The following SPTA1 variants were observed in gnomAD, a reference collection of about 807,000 sequenced individuals.
SPTA1 encodes the protein spectrin alpha chain, erythrocytic 1.
Under a neutral mutation model 324.7 loss-of-function variants are expected in SPTA1, and 177 were observed. The observed-to-expected ratio is 0.55, with a 90% CI of 0.48 to 0.62. The LOEUF (loss-of-function observed/expected upper bound fraction) is 0.62, where lower values mean the gene tolerates loss of function less well. Ranked by LOEUF, SPTA1 falls within the 20% of genes least tolerant of loss-of-function variation. The probability of loss-of-function intolerance (pLI) is 0.00; values close to 1 mark genes in which losing one functional copy is unlikely to be tolerated. For missense variants in SPTA1, 3,162 were observed against 2,883.6 expected (o/e 1.10, Z -2.21); for synonymous variants, 1,195 against 1,041.3 (o/e 1.15, Z -2.84).
At position 158,611,165 on chromosome 1, in the gene SPTA1, AC is replaced by A; in HGVS notation, c.*98del. ...CACACACACACACACACACACACAC[AC>A]GAGGCCATCTTTATCTTCCACATTT... is the stretch of plus-strand genomic sequence containing the variant. On this transcript the variant is annotated 3_prime_UTR_variant, in exon 52 of 52. Coordinates refer to ENST00000643759, the MANE Select transcript of SPTA1 (RefSeq NM_003126.4). 7.4e-7 allele frequency: 1 copy of A among 1,351,938 alleles called. No individual in the cohort carries two copies. Among genetic ancestry groups the A allele is most frequent in the Non-Finnish European group, 1.0e-6 (1 of 959,732 alleles). The allele number at this position is 1,351,938 out of a possible 1,614,324, so 83.7% of individuals were successfully genotyped here.
rs539669652 is a variant in SPTA1 at position 158,623,106 on chromosome 1, T to C, written c.5997A>G (p.Gln1999=). The C allele has an allele frequency of 3.0e-5, 48 of 1,614,046 alleles. No individual in the cohort carries two copies. The highest frequency in any genetic ancestry group is 3.9e-5 in the Non-Finnish European group (46 of 1,180,038). The change falls in exon 43 of 52, where the codon CAA becomes CAG. Residue 1999 remains glutamine, a synonymous_variant. Coordinates refer to ENST00000643759, the MANE Select transcript of SPTA1 (RefSeq NM_003126.4). ...CTTCAATGGCTTTAGACTGGTTGTGTTGAGCAGAAATCAGTTTGTCCTTCA... is the reference window on the plus strand; with the variant it reads ...CTTCAATGGCTTTAGACTGGTTGTGCTGAGCAGAAATCAGTTTGTCCTTCA... The part of the protein sequence containing the change: ...TDLKDKLISA[Q]HNQSKAIEER...
At chr1:158,622,387 TAC>T (rs1391028830) in intron 43 of SPTA1, among the ~76,000 whole-genome samples, 1 of 152,028 alleles carries the variant, frequency 6.6e-6, no homozygotes, top group Non-Finnish European at 1.5e-5. Context: ...GTATTATTAA[TAC>T]ACACATATTA....
chr1:158,636,032 A>G lies in SPTA1; in HGVS notation c.5313T>C (p.Asn1771=). ...ELVAHEPAIQ[N]VLDMAEKLKD... ...TCAGCTTCTCTGCCATATCCAGCACATTCTGAAGAACAACCCCGATACATG... is the reference window on the plus strand; with the variant it reads ...TCAGCTTCTCTGCCATATCCAGCACGTTCTGAAGAACAACCCCGATACATG... The change falls in exon 38 of 52, where the codon AAT becomes AAC. Residue 1771 remains asparagine (N), a splice_region_variant and synonymous_variant. Coordinates refer to ENST00000643759, the MANE Select transcript of SPTA1 (RefSeq NM_003126.4). The G allele has an allele frequency of 6.2e-7, 1 of 1,614,154 alleles. No homozygotes were observed. The highest frequency in any genetic ancestry group is 8.5e-7 in the Non-Finnish European group (1 of 1,180,004).
intron 39 of SPTA1, among the ~76,000 whole-genome samples, chr1:158,628,759 A>G (rs578184626): frequency 1.2e-4 from 18 of 152,252 alleles, no homozygotes; most frequent in Non-Finnish European, 2.4e-4. Flanking sequence ...AAACATTAGA[A>G]CTGTTGTCAA....
intron 19 of SPTA1, among the ~76,000 whole-genome samples, chr1:158,656,917 G>T (rs1652867027): frequency 6.6e-6 from 1 of 152,186 alleles, no homozygotes; most frequent in South Asian, 2.1e-4. Flanking sequence ...TAGCTGAAAA[G>T]AGGATGCTGT....
chr1:158,662,649 T>A, intron 17 of SPTA1, 53 bp downstream of exon 17: 1 of 1,611,692 alleles, frequency 6.2e-7, no homozygotes, highest in Non-Finnish European at 8.5e-7. Context: ...TCTCTCTCAA[T>A]ATATAGACCT....
At chr1:158,642,694 C>G in intron 32 of SPTA1, 120 bp downstream of exon 32, 1 of 1,573,798 alleles carries the variant, frequency 6.4e-7, no homozygotes, top group Non-Finnish European at 8.7e-7. Context: ...ACTCTGAAGT[C>G]TCTGAGAGCA....
At chr1:158,614,200 A>G (rs1649419414) in intron 49 of SPTA1, 53 bp downstream of exon 49, 2 of 1,339,844 alleles carry the variant, frequency 1.5e-6, no homozygotes, top group Non-Finnish European at 2.1e-6. Context: ...TTGTAGACTC[A>G]TTCTGAATAA....
chr1:158,645,363 G>T lies in SPTA1; in HGVS notation c.4019C>A (p.Ala1340Glu). 1.2e-6 allele frequency: 2 copies of T among 1,614,002 alleles called. No homozygotes were observed. Among genetic ancestry groups the T allele is most frequent in the Non-Finnish European group, 8.5e-7 (1 of 1,179,944 alleles). Residue 1340 changes from alanine to glutamate, a missense_variant, in exon 29 of 52, where the codon GCA becomes GAA. By Grantham distance (107) the Ala-to-Glu change is moderately radical. Coordinates refer to ENST00000643759, the MANE Select transcript of SPTA1 (RefSeq NM_003126.4). ...TAAGGCCTGGAAGGTGGGAGCCTCTGCCTCCATGTCAGCACGGTGCTCCTG... is the reference window on the plus strand; with the variant it reads ...TAAGGCCTGGAAGGTGGGAGCCTCTTCCTCCATGTCAGCACGGTGCTCCTG... The part of the protein sequence containing the change: ...RHQEHRADME[A>E]EAPTFQALED...
intron 3 of SPTA1, 124 bp from the exon 4 acceptor site, chr1:158,681,791 C>G (rs982898443): frequency 8.0e-7 from 1 of 1,244,180 alleles, no homozygotes; most frequent in African/African-American, 1.5e-5. Flanking sequence ...ATTAGTTGCT[C>G]AACAAACATT....
At chr1:158,627,799 G>A (rs924331214) in intron 39 of SPTA1, 76 bp from the exon 40 acceptor site, 1 of 1,394,644 alleles carries the variant, frequency 7.2e-7, no homozygotes, top group Admixed American at 1.7e-5. Flanking sequence ...AGACTCACGG[G>A]TCTATTATTC....
intron 33 of SPTA1, 96 bp downstream of exon 33, chr1:158,642,315 T>C (rs1346148843): frequency 3.8e-6 from 5 of 1,320,236 alleles, no homozygotes; most frequent in Non-Finnish European, 5.0e-6. Flanking sequence ...ATAATAATAA[T>C]AAAATTAAAA....
rs760101095 is a variant in SPTA1 at position 158,645,215 on chromosome 1, C to A, written c.4167G>T (p.Lys1389Asn). The A allele has an allele frequency of 3.1e-6, 5 of 1,613,896 alleles. No homozygotes were observed. In the Middle Eastern group the frequency reaches 5.0e-4, roughly 160 times the overall value. ...GCAACTCCAGGCACTGGTCTAGGATCTTCTTGCGTTTTTCCCAAGCCTTCT... is the reference window on the plus strand; with the variant it reads ...GCAACTCCAGGCACTGGTCTAGGATATTCTTGCGTTTTTCCCAAGCCTTCT... ...DLEKAWEKRK[K>N]ILDQCLELQM... The change falls in exon 29 of 52, where the codon AAG (lysine) becomes AAT (asparagine). Residue 1389 changes from lysine (K) to asparagine (N), a missense_variant. Transcript: ENST00000643759.
intron 10 of SPTA1, 125 bp from the exon 11 acceptor site, chr1:158,672,321 G>T: frequency 2.0e-6 from 2 of 1,008,102 alleles, no homozygotes; most frequent in Non-Finnish European, 2.9e-6. Flanking sequence ...GGGCTTTTAA[G>T]ATTCCAACTT....
Position 158,612,933 on chromosome 1 carries a change from T to C in SPTA1, c.7018A>G (p.Thr2340Ala). 1 of 1,613,928 alleles carries C rather than the reference T, an allele frequency of 6.2e-7. No individual in the cohort carries two copies. The highest frequency in any genetic ancestry group is 8.5e-7 in the Non-Finnish European group (1 of 1,179,904). The change falls in exon 51 of 52, where the codon ACT becomes GCT. Residue 2340 changes from threonine (T) to alanine (A), a missense_variant. Thr to Ala is a moderately conservative substitution (Grantham distance 58). Transcript: ENST00000643759. ...GACTCCTTGTCAATCAGGAAAGCAG[T>C]ATAGTCCTCCAGTGAGACATAGCCC... ...RKGYVSLEDY[T>A]AFLIDKESEN...
chr1:158,617,663 G>A (rs1027630899), intron 46 of SPTA1, 75 bp from the exon 47 acceptor site: 2 of 1,393,510 alleles, frequency 1.4e-6, no homozygotes, highest in South Asian at 2.3e-5. Context: ...CCAACTCGAA[G>A]CTCCTCTGTT....
chr1:158,676,036 C>T, intron 8 of SPTA1, 105 bp downstream of exon 8: 1 of 1,500,282 alleles, frequency 6.7e-7, no homozygotes, highest in Admixed American at 1.7e-5. Context: ...GGCAGGAGAG[C>T]TGATTCTCTC....
At chr1:158,669,280 G>T in intron 14 of SPTA1, 128 bp downstream of exon 14, 1 of 1,283,770 alleles carries the variant, frequency 7.8e-7, no homozygotes. Context: ...CCTTTTCTGA[G>T]CCTCTGTTTT....
At chr1:158,637,943 C>T (rs1181332011) in intron 36 of SPTA1, 90 bp downstream of exon 36, 10 of 1,427,128 alleles carry the variant, frequency 7.0e-6, no homozygotes, top group Non-Finnish European at 8.8e-6. Flanking sequence ...GAAACAAGTA[C>T]AAATTTCATT....
Sources: gnomAD v4.1 joint callset for allele counts (sites outside exome capture counted in the v4.1 genomes callset) on GRCh38, gnomAD v4.1.1 for gene constraint, MANE v1.5 for transcripts, NCBI Gene and HGNC (gene_info 2026-07-23, HGNC 2026-07-21) for gene names.